Variants in ACACA observed in about 807,000 individuals in gnomAD.
ACACA encodes acetyl-CoA carboxylase alpha.
Under a neutral mutation model 296.1 loss-of-function variants are expected in ACACA, and 103 were observed. The ratio of observed to expected loss-of-function variants is 0.35; its 90% CI spans 0.30 to 0.41. ACACA has a LOEUF of 0.41. Among genes scored for constraint, ACACA ranks in the 10% least tolerant of loss-of-function variants. The pLI is 1.00. For missense variants in ACACA, 1,554 were observed against 2,989.7 expected (o/e 0.52, Z 11.20); for synonymous variants, 953 against 1,038.6 (o/e 0.92, Z 1.58).
At chr17:37,275,648 T>C (rs1245522566) in intron 8 of ACACA, among the ~76,000 whole-genome samples, 1 of 152,152 alleles carries the variant, frequency 6.6e-6, no homozygotes, top group Non-Finnish European at 1.5e-5. Context: ...CTGAGGAAGA[T>C]TCTAGCCTAC....
intron 12 of ACACA, 125 bp from the exon 13 acceptor site, chr17:37,258,498 C>T: frequency 2.3e-6 from 2 of 880,798 alleles, no homozygotes; most frequent in African/African-American, 1.7e-5. Flanking sequence ...ATTTTTATAA[C>T]CTGTATTCTA....
intron 3 of ACACA, among the ~76,000 whole-genome samples, chr17:37,321,762 A>G (rs2147127803): frequency 6.6e-6 from 1 of 151,628 alleles, no homozygotes; most frequent in East Asian, 1.9e-4. Flanking sequence ...AAATAAATAA[A>G]TAAATAATTA....
chr17:37,085,343 G>A lies in ACACA; in HGVS notation c.*1973C>T, dbSNP rs1258303512. The A allele has an allele frequency of 8.8e-6, 3 of 340,612 alleles. No individual in the cohort carries two copies. The highest frequency in any genetic ancestry group is 1.5e-4 in the South Asian group (1 of 6,482). 21.1% of individuals were successfully genotyped at this position (340,612 alleles called of 1,614,324 possible). ...AGGGTTCTAGAGAGGAAACATACTC[G>A]TTTGTGTCATAATTTGGTGGGGAGA... On this transcript the variant is annotated 3_prime_UTR_variant, in exon 56 of 56. Transcript: ENST00000616317.
intron 31 of ACACA, among the ~76,000 whole-genome samples, chr17:37,207,124 G>C (rs374256834): frequency 2.6e-5 from 4 of 152,116 alleles, no homozygotes; most frequent in African/African-American, 9.7e-5. Context: ...ATGATCTAAA[G>C]CTTTTTTGTT....
intron 1 of ACACA, among the ~76,000 whole-genome samples, chr17:37,349,517 ATG>A (rs965460655): frequency 4.0e-4 from 59 of 145,914 alleles, no homozygotes; most frequent in Non-Finnish European, 6.3e-4. Flanking sequence ...TATCTTACAT[ATG>A]TGTGTGTGTG....
At chr17:37,096,655 C>T (rs958681547) in intron 54 of ACACA, among the ~76,000 whole-genome samples, 1 of 152,166 alleles carries the variant, frequency 6.6e-6, no homozygotes, top group African/African-American at 2.4e-5. Context: ...TTATTTGTCT[C>T]CCCCTCTAGA....
chr17:37,307,586 T>A (rs1480544394), intron 3 of ACACA, among the ~76,000 whole-genome samples: 1 of 152,092 alleles, frequency 6.6e-6, no homozygotes, highest in Non-Finnish European at 1.5e-5. Context: ...TTTTTCTTAT[T>A]GTTTTGTTTT....
chr17:37,090,126 TGCAA>T (rs1049463002), intron 54 of ACACA, among the ~76,000 whole-genome samples: 1 of 152,228 alleles, frequency 6.6e-6, no homozygotes, highest in African/African-American at 2.4e-5. Context: ...GAAGCCTGTA[TGCAA>T]GCAAGGTCAC....
At chr17:37,095,258 C>T (rs985722428) in intron 54 of ACACA, among the ~76,000 whole-genome samples, 3 of 152,186 alleles carry the variant, frequency 2.0e-5, no homozygotes, top group Admixed American at 6.5e-5. Context: ...TTTACACTTG[C>T]GTGACTTTCA....
At chr17:37,253,925 TG>T (rs2081109101) in intron 14 of ACACA, among the ~76,000 whole-genome samples, 2 of 152,214 alleles carry the variant, frequency 1.3e-5, no homozygotes, top group African/African-American at 4.8e-5. Flanking sequence ...AACTGCATTT[TG>T]GATATCTATG....
At position 37,390,330 on chromosome 17, in the gene ACACA, A is replaced by ATATATAATATATATATC. The variant is rs1386032855; in HGVS notation, c.38+15931_38+15932insGATATATATATTATATA. 4.8e-5 allele frequency among the ~76,000 whole-genome samples: 2 copies of ATATATAATATATATATC among 41,592 alleles called. 1 individual carries two copies. The highest frequency in any genetic ancestry group is 2.6e-4 in the African/African-American group (2 of 7,838). 27.3% of individuals were successfully genotyped at this position (41,592 alleles called of 152,430 possible). ...TATATATATATATATATATATATAT[A>ATATATAATATATATATC]TATAAAAGGCCAGCTGGGCCGGGCA... On this transcript the variant is annotated intron_variant, in intron 1 of 55. Transcript: ENST00000616317.
At position 37,231,215 on chromosome 17, in the gene ACACA, A is replaced by AT. The variant is rs1183616830; in HGVS notation, c.3246+3759dup. 2.7e-5 allele frequency among the ~76,000 whole-genome samples: 4 copies of AT among 150,936 alleles called. No homozygotes were observed. The East Asian group carries it at 7.7e-4, about 29-fold the overall frequency. On this transcript the variant is annotated intron_variant, in intron 25 of 55. Coordinates refer to ENST00000616317, the MANE Select transcript of ACACA (RefSeq NM_198834.3). ...GCAACACAGTGAGACCACATCTTTA[A>AT]TTTAAAAAAAAAAAAAAAAAGCATA...
At chr17:37,359,179 C>G (rs1270947133) in intron 1 of ACACA, 2 of 970,478 alleles carry the variant, frequency 2.1e-6, no homozygotes, top group Non-Finnish European at 2.4e-6. Flanking sequence ...CCGCCCCTGT[C>G]TCCCACCTCA....
At chr17:37,372,197 A>G (rs942093024) in intron 1 of ACACA, among the ~76,000 whole-genome samples, 5 of 152,152 alleles carry the variant, frequency 3.3e-5, no homozygotes, top group Admixed American at 3.3e-4. Context: ...GTGGATCACG[A>G]GGTCAGGAGA....
At chr17:37,151,800 T>C (rs1246040470) in intron 43 of ACACA, among the ~76,000 whole-genome samples, 1 of 152,174 alleles carries the variant, frequency 6.6e-6, no homozygotes, top group Admixed American at 6.5e-5. Flanking sequence ...TAGCTGGGAC[T>C]ACAGGCGCCC....
intron 31 of ACACA, among the ~76,000 whole-genome samples, chr17:37,207,200 AG>A (rs1169225415): frequency 6.6e-6 from 1 of 152,230 alleles, no homozygotes; most frequent in African/African-American, 2.4e-5. Context: ...AGTAACAGAA[AG>A]TGTCTGGAAC....
At chr17:37,253,075 C>T (rs370093703) in intron 14 of ACACA, 39 bp from the exon 15 acceptor site, 2 of 1,613,930 alleles carry the variant, frequency 1.2e-6, no homozygotes, top group African/African-American at 2.7e-5. Flanking sequence ...GCAACAAACA[C>T]TTTAATGTTT....
At chr17:37,265,316 TG>T (rs2081710209) in intron 10 of ACACA, among the ~76,000 whole-genome samples, 1 of 152,166 alleles carries the variant, frequency 6.6e-6, no homozygotes, top group Non-Finnish European at 1.5e-5. Context: ...CAACTTACTA[TG>T]CTCTACCCTA....
At chr17:37,370,715 A>T (rs998821767) in intron 1 of ACACA, among the ~76,000 whole-genome samples, 18 of 150,664 alleles carry the variant, frequency 1.2e-4, no homozygotes, top group African/African-American at 4.4e-4. Context: ...AGGTACGGTG[A>T]CTCATCCCTG....
Sources: allele counts gnomAD v4.1 joint callset (sites outside exome capture counted in the v4.1 genomes callset), GRCh38; gene constraint gnomAD v4.1.1; transcripts MANE v1.5; gene names NCBI Gene and HGNC (gene_info 2026-07-23, HGNC 2026-07-21).